The following VWA3B variants were observed in gnomAD, a reference collection of about 807,000 sequenced individuals.
VWA3B encodes von Willebrand factor A domain-containing protein 3B.
Under a neutral mutation model 158.3 loss-of-function variants are expected in VWA3B, and 138 were observed. The observed-to-expected ratio is 0.87, with a 90% CI of 0.76 to 1.00. The LOEUF (loss-of-function observed/expected upper bound fraction) is 1.00. Ranked by LOEUF, VWA3B falls within the 50% of genes least tolerant of loss-of-function variation. The pLI is 0.00. For synonymous variants in VWA3B, 596 were observed against 587.3 expected (o/e 1.01, Z -0.21); for missense variants, 1,555 against 1,565.1 (o/e 0.99, Z 0.11).
intron 22 of VWA3B, among the ~76,000 whole-genome samples, chr2:98,290,280 T>C (rs1689408577): frequency 6.6e-6 from 1 of 152,034 alleles, no homozygotes; most frequent in South Asian, 2.1e-4. Context: ...AACAACCAGA[T>C]CTTTTGATAA....
Position 98,185,097 on chromosome 2 carries a change from T to A in VWA3B, c.1312-2878T>A, listed in dbSNP as rs114896425. Among the ~76,000 whole-genome samples the A allele has an allele frequency of 4.5e-3, 690 of 152,308 alleles. 9 individuals are homozygous for A. The highest frequency in any genetic ancestry group is 0.016 in the African/African-American group (647 of 41,558). On this transcript the variant is annotated intron_variant, in intron 9 of 27. Transcript: ENST00000477737. ...ATCTCTACCACTCCTGCCTTAGGCA[T>A]GCCCTCAGCCTTGTCATTACAAATA...
rs764890439 is a variant in VWA3B, at chr2:98,236,766, A to G, written c.2673+36A>G. On this transcript the variant is annotated intron_variant, in intron 19 of 27. Coordinates refer to ENST00000477737, the MANE Select transcript of VWA3B (RefSeq NM_144992.5). ...TGTCTATACGTCCCTACTTGAGGCC[A>G]TTTTCATTTTCTGCTCAAATAAAAA... The G allele has an allele frequency of 1.5e-5, 24 of 1,564,554 alleles. No individual in the cohort carries two copies. In the African/African-American group the frequency reaches 3.2e-4, roughly 21 times the overall value.
At chr2:98,309,418 C>T (rs951850339) in intron 26 of VWA3B, among the ~76,000 whole-genome samples, 1 of 152,054 alleles carries the variant, frequency 6.6e-6, no homozygotes, top group Non-Finnish European at 1.5e-5. Context: ...ATGTATGAGT[C>T]GGCAGGAGGA....
At chr2:98,129,175 C>G (rs534859480) in intron 6 of VWA3B, among the ~76,000 whole-genome samples, 1 of 151,062 alleles carries the variant, frequency 6.6e-6, no homozygotes, top group African/African-American at 2.5e-5. Flanking sequence ...TCTGTTCTCA[C>G]ACGGTGGAGA....
intron 22 of VWA3B, among the ~76,000 whole-genome samples, chr2:98,281,804 C>T (rs1433851732): frequency 6.6e-6 from 1 of 152,086 alleles, no homozygotes; most frequent in Non-Finnish European, 1.5e-5. Context: ...AATCAAATTA[C>T]TTAGCACACA....
chr2:98,234,566 G>A, intron 16 of VWA3B, 82 bp from the exon 17 acceptor site: 1 of 1,579,400 alleles, frequency 6.3e-7, no homozygotes, highest in Non-Finnish European at 8.6e-7. Flanking sequence ...TTACTTTAAG[G>A]AGCTGATAAA....
At chr2:98,131,364 G>T (rs1003951194) in intron 6 of VWA3B, among the ~76,000 whole-genome samples, 6 of 152,170 alleles carry the variant, frequency 3.9e-5, no homozygotes, top group African/African-American at 1.4e-4. Context: ...TGGACACTTA[G>T]GTTGATTCCG....
intron 10 of VWA3B, chr2:98,192,424 G>T (rs972877614): frequency 5.9e-6 from 1 of 168,332 alleles, no homozygotes; most frequent in African/African-American, 2.4e-5. Flanking sequence ...CAGAGTGGGG[G>T]TCACAAGGTG....
At chr2:98,107,614 T>C (rs1372658800) in intron 2 of VWA3B, among the ~76,000 whole-genome samples, 1 of 152,122 alleles carries the variant, frequency 6.6e-6, no homozygotes, top group Non-Finnish European at 1.5e-5. Context: ...GGTAGTTTGT[T>C]TTCTGAGGAT....
intron 12 of VWA3B, among the ~76,000 whole-genome samples, chr2:98,199,086 C>CA (rs35508873): frequency 0.74 from 106,246 of 143,798 alleles, 38,858 homozygotes; most frequent in South Asian, 0.86. Flanking sequence ...GACTCCGTCT[C>CA]AAAAAAAAAA....
At chr2:98,103,249 T>G (rs973975418) in intron 2 of VWA3B, among the ~76,000 whole-genome samples, 15 of 152,206 alleles carry the variant, frequency 9.9e-5, no homozygotes, top group African/African-American at 2.9e-4. Flanking sequence ...ATTTTTAGTT[T>G]GCTGGTTTTT....
chr2:98,162,524 T>A (rs1336994036), intron 7 of VWA3B, among the ~76,000 whole-genome samples: 1 of 152,208 alleles, frequency 6.6e-6, no homozygotes, highest in Non-Finnish European at 1.5e-5. Context: ...GCGGTGACCC[T>A]GGCTTGTGTG....
At chr2:98,129,867 G>A (rs1462948387) in intron 6 of VWA3B, among the ~76,000 whole-genome samples, 1 of 151,912 alleles carries the variant, frequency 6.6e-6, no homozygotes, top group Non-Finnish European at 1.5e-5. Context: ...ATACATATTT[G>A]TACATATTTA....
intron 6 of VWA3B, among the ~76,000 whole-genome samples, chr2:98,131,349 A>C (rs1275495746): frequency 6.6e-6 from 1 of 152,174 alleles, no homozygotes; most frequent in Non-Finnish European, 1.5e-5. Flanking sequence ...CCATTCACCC[A>C]TTGATGGACA....
chr2:98,294,265 G>A (rs910035216), intron 23 of VWA3B, among the ~76,000 whole-genome samples: 2 of 146,334 alleles, frequency 1.4e-5, no homozygotes, highest in African/African-American at 5.0e-5. Context: ...GCATAGGCTT[G>A]ATGTCATTGG....
downstream of VWA3B, among the ~76,000 whole-genome samples, chr2:98,313,832 T>C (rs997083566): frequency 2.6e-5 from 4 of 152,164 alleles, no homozygotes; most frequent in African/African-American, 7.2e-5. Context: ...GCTAGTTGCA[T>C]TGGTGTTACA....
intron 23 of VWA3B, among the ~76,000 whole-genome samples, chr2:98,293,039 A>G (rs751038531): frequency 3.9e-5 from 6 of 152,122 alleles, no homozygotes; most frequent in Non-Finnish European, 7.4e-5. Context: ...GCTTGGGGTC[A>G]CTGCTGGCTA....
chr2:98,309,722 C>T (rs752679664), intron 26 of VWA3B, among the ~76,000 whole-genome samples: 4 of 152,232 alleles, frequency 2.6e-5, no homozygotes, highest in Non-Finnish European at 4.4e-5. Context: ...TCTGACATTA[C>T]GTCAGATGAA....
chr2:98,194,658 T>A lies in VWA3B; in HGVS notation c.1737+166T>A, dbSNP rs190508309. Among the ~76,000 whole-genome samples, 343 of 152,296 alleles carry A rather than the reference T, an allele frequency of 2.3e-3. 1 individual carries two copies. The highest frequency in any genetic ancestry group is 7.8e-3 in the African/African-American group (325 of 41,558). ...TTGCAGTGGTCACGTTAATCCAATC[T>A]CATTTTGTCAATATCATAAGGTTTA... On this transcript the variant is annotated intron_variant, in intron 12 of 27. Coordinates refer to ENST00000477737, the MANE Select transcript of VWA3B (RefSeq NM_144992.5).
Sources: allele counts gnomAD v4.1 joint callset (sites outside exome capture counted in the v4.1 genomes callset), GRCh38; gene constraint gnomAD v4.1.1; transcripts MANE v1.5; gene names NCBI Gene and HGNC (gene_info 2026-07-23, HGNC 2026-07-21).